The following ANO7 variants were observed in gnomAD, a reference collection of about 807,000 sequenced individuals.
ANO7 encodes anoctamin 7.
ANO7 carries 114 observed loss-of-function variants against 115.8 expected under a neutral mutation model. The observed-to-expected ratio is 0.98, with a 90% confidence interval of 0.85 to 1.15. ANO7 has a LOEUF of 1.15. ANO7 is among the 50% of genes most tolerant of loss of function. The probability of loss-of-function intolerance (pLI) is 0.00; values close to 1 mark genes in which losing one functional copy is unlikely to be tolerated. For missense variants in ANO7, 1,302 were observed against 1,201.2 expected (o/e 1.08, Z -1.24); for synonymous variants, 550 against 498.2 (o/e 1.10, Z -1.38).
Position 241,216,223 on chromosome 2 carries a change from G to A in ANO7, c.1957G>A (p.Glu653Lys), listed in dbSNP as rs201320298. Residue 653 changes from glutamate to lysine, a missense_variant, in exon 19 of 25, where the codon GAG becomes AAG. Glu to Lys is a moderately conservative substitution (Grantham distance 56). Transcript: ENST00000674324. ...TGTGCCCTGTGAGGGTCTGTTTGAC[G>A]AGTACCTGGAAATGGGTAGGAGCCC... ...ELVPCEGLFD[E>K]YLEMVLQFGF... is the part of the protein sequence containing the mutation. 6.1e-5 allele frequency: 98 copies of A among 1,604,316 alleles called. No homozygotes were observed. In the African/African-American group the frequency reaches 1.0e-3, roughly 17 times the overall value.
chr2:241,228,652 T>G (rs1370628821), downstream of ANO7: 1 of 152,360 alleles, frequency 6.6e-6, no homozygotes, highest in African/African-American at 2.4e-5. Context: ...GTGTGTGGGG[T>G]GGCACTAACT....
At chr2:241,227,290 A>C (rs189144149), downstream of ANO7, 1 of 152,532 alleles carries the variant, frequency 6.6e-6, no homozygotes, top group East Asian at 1.9e-4. Flanking sequence ...AGCATGCTAC[A>C]TCTGGTTTCG....
At chr2:241,235,050 C>T in the ANO7 span, 2 of 1,567,348 alleles carry the variant, frequency 1.3e-6, no homozygotes, top group Admixed American at 3.4e-5. Context: ...GAAGAACTTC[C>T]CTAGATTCTG....
At chr2:241,190,765 C>T (rs1418239726) in intron 2 of ANO7, among the ~76,000 whole-genome samples, 2 of 152,240 alleles carry the variant, frequency 1.3e-5, no homozygotes, top group East Asian at 3.9e-4. Context: ...CTCAAGCATC[C>T]AGACACTCTC....
the ANO7 span, among the ~76,000 whole-genome samples, chr2:241,238,122 G>A: frequency 5.5e-3 from 837 of 152,340 alleles, 11 homozygotes; most frequent in African/African-American, 0.018. The surrounding 1 kb of genome is among the most constrained non-coding windows in gnomAD (Gnocchi z 4.9). Flanking sequence ...CAACCGACCC[G>A]CATCCCACAG....
rs1413350039 is a variant in ANO7, at chr2:241,203,503, G to A, written c.889+5G>A. The A allele has an allele frequency of 2.0e-5, 30 of 1,478,364 alleles. No individual in the cohort carries two copies. Among genetic ancestry groups the A allele is most frequent in the Non-Finnish European group, 2.3e-5 (26 of 1,112,148 alleles). The allele number at this position is 1,478,364 out of a possible 1,614,324, so 91.6% of individuals were successfully genotyped here. On this transcript the variant is annotated splice_donor_5th_base_variant and intron_variant, in intron 9 of 24. Transcript: ENST00000674324. This position sits in a 1 kb window ranked among gnomAD's most constrained non-coding sequence, Gnocchi z 4.8. Reference sequence around the variant, plus strand: ...CCCTCTACTTCGCCTGGCTCGGTGAGTCCCCCCCGCTGCCCCCCAGACCAC... The same window carrying A: ...CCCTCTACTTCGCCTGGCTCGGTGAATCCCCCCCGCTGCCCCCCAGACCAC...
At chr2:241,227,419 A>C (rs929893837), downstream of ANO7, 5 of 152,574 alleles carry the variant, frequency 3.3e-5, no homozygotes, top group African/African-American at 9.7e-5. Context: ...GTAGCTATGG[A>C]AACAGATGAT....
Position 241,213,201 on chromosome 2 carries a change from G to C in ANO7, c.1728+575G>C, listed in dbSNP as rs2068755228. On this transcript the variant is annotated intron_variant, in intron 17 of 24. Coordinates refer to ENST00000674324, the MANE Select transcript of ANO7 (RefSeq NM_001370694.2). ...GCCCGCAGGGGCTGGCCTCCTCATGGCACACGGCCCGCAGGGGCTGGCCTC... is the reference window on the plus strand; with the variant it reads ...GCCCGCAGGGGCTGGCCTCCTCATGCCACACGGCCCGCAGGGGCTGGCCTC... 2.3e-5 allele frequency among the ~76,000 whole-genome samples: 3 copies of C among 130,814 alleles called. No homozygotes were observed. The South Asian group carries it at 6.3e-4, about 27-fold the overall frequency. 85.8% of individuals were successfully genotyped at this position (130,814 alleles called of 152,430 possible).
intron 11 of ANO7, among the ~76,000 whole-genome samples, chr2:241,208,666 T>C (rs2068642108): frequency 6.6e-6 from 1 of 152,138 alleles, no homozygotes; most frequent in South Asian, 2.1e-4. Flanking sequence ...ACGTGCAAAA[T>C]ACACTCACCT....
At position 241,223,899 on chromosome 2, in the gene ANO7, G is replaced by A. The variant is rs766834565; in HGVS notation, c.2533-6G>A. On this transcript the variant is annotated splice_polypyrimidine_tract_variant and splice_region_variant and intron_variant, in intron 23 of 24. Coordinates refer to ENST00000674324, the MANE Select transcript of ANO7 (RefSeq NM_001370694.2). ...TCTTCCTCTTGCTGCCCTTTTTTGG[G>A]GACAGGTTCTTTTTGGAACGAACGG... 83 of 1,613,906 alleles carry A rather than the reference G, an allele frequency of 5.1e-5. No homozygotes were observed. The Middle Eastern group carries it at 1.6e-3, about 32-fold the overall frequency.
chr2:241,203,515 GC>G lies in ANO7; in HGVS notation c.889+23del, dbSNP rs1432295862. On this transcript the variant is annotated intron_variant, in intron 9 of 24. Coordinates refer to ENST00000674324, the MANE Select transcript of ANO7 (RefSeq NM_001370694.2). This position sits in a 1 kb window ranked among gnomAD's most constrained non-coding sequence, Gnocchi z 4.8. The stretch of plus-strand genomic sequence containing the variant: ...CCTGGCTCGGTGAGTCCCCCCCGCT[GC>G]CCCCCAGACCACCTGGGCCCCCCCA... 4.8e-6 allele frequency: 7 copies of G among 1,450,032 alleles called. No homozygotes were observed. The highest frequency in any genetic ancestry group is 2.6e-5 in the Admixed American group (1 of 39,098). 89.8% of individuals were successfully genotyped at this position (1,450,032 alleles called of 1,614,324 possible). A position where few individuals can be genotyped will look rare whatever the true frequency, so the allele number is the denominator to read the frequency against.
At chr2:241,237,021 C>A in the ANO7 span, among the ~76,000 whole-genome samples, 1 of 147,568 alleles carries the variant, frequency 6.8e-6, no homozygotes, top group Non-Finnish European at 1.5e-5. Flanking sequence ...GCCGGGAGGC[C>A]GTGAGCTCTG....
chr2:241,215,995 G>GC lies in ANO7; in HGVS notation c.1827-97dup, dbSNP rs1360771262. 6.2e-6 allele frequency: 9 copies of GC among 1,450,942 alleles called. No individual in the cohort carries two copies. The Admixed American group carries it at 2.1e-4, about 34-fold the overall frequency. The allele number at this position is 1,450,942 out of a possible 1,614,324, so 89.9% of individuals were successfully genotyped here. ...CTCCCTGCTGCCCTTCAATTGCAAA[G>GC]CAACAGGCTTGTCCCGGCCACATCT... On this transcript the variant is annotated intron_variant, in intron 18 of 24. Transcript: ENST00000674324.
At chr2:241,200,875 G>C (rs1039211502) in intron 6 of ANO7, among the ~76,000 whole-genome samples, 2 of 152,216 alleles carry the variant, frequency 1.3e-5, no homozygotes, top group Admixed American at 1.3e-4. Flanking sequence ...CCCCTACCCA[G>C]TCACTGTCCG....
At chr2:241,210,629 C>T in intron 15 of ANO7, 59 bp downstream of exon 15, 1 of 1,405,696 alleles carries the variant, frequency 7.1e-7, no homozygotes, top group Non-Finnish European at 1.0e-6. Context: ...GGCCGCCAGC[C>T]AGAACGTGAC....
At chr2:241,214,451 C>G (rs747848671) in intron 17 of ANO7, among the ~76,000 whole-genome samples, 2 of 152,206 alleles carry the variant, frequency 1.3e-5, no homozygotes, top group Admixed American at 1.3e-4. Flanking sequence ...CCCACTGGCT[C>G]GAACTGGGTC....
At chr2:241,192,036 TAAG>T (rs1574754581) in intron 3 of ANO7, among the ~76,000 whole-genome samples, 1 of 152,184 alleles carries the variant, frequency 6.6e-6, no homozygotes, top group East Asian at 1.9e-4. Flanking sequence ...GGGACTGTCA[TAAG>T]AAGTACCACA....
rs1260813663 is a variant in ANO7 at position 241,190,141 on chromosome 2, C to T, written c.78C>T (p.Gly26=). ...GCCCCCCTGAGGCAGAGAAGAGGGGCTCTTACGGGAGCACAGCCCACGCCT... is the reference window on the plus strand; with the variant it reads ...GCCCCCCTGAGGCAGAGAAGAGGGGTTCTTACGGGAGCACAGCCCACGCCT... ...DVSPPEAEKR[G]SYGSTAHASE... is the part of the protein sequence containing the mutation. The change falls in exon 2 of 25, where the codon GGC becomes GGT. Residue 26 remains glycine (G), a synonymous_variant. Coordinates refer to ENST00000674324, the MANE Select transcript of ANO7 (RefSeq NM_001370694.2). The T allele has an allele frequency of 6.4e-7, 1 of 1,573,796 alleles. No homozygotes were observed. Among genetic ancestry groups the T allele is most frequent in the East Asian group, 2.3e-5 (1 of 42,744 alleles).
rs756769650 is a variant in ANO7 at position 241,216,207 on chromosome 2, T to G, written c.1941T>G (p.Cys647Trp). 1.2e-5 allele frequency: 19 copies of G among 1,610,914 alleles called. No individual in the cohort carries two copies. Among genetic ancestry groups the G allele is most frequent in the Non-Finnish European group, 1.4e-5 (17 of 1,178,982 alleles). ...AGGACGACTATGAGCTTGTGCCCTGTGAGGGTCTGTTTGACGAGTACCTGG... is the reference window on the plus strand; with the variant it reads ...AGGACGACTATGAGCTTGTGCCCTGGGAGGGTCTGTTTGACGAGTACCTGG... ...PWEDDYELVP[C>W]EGLFDEYLEM... Residue 647 changes from cysteine to tryptophan, a missense_variant, in exon 19 of 25, where the codon TGT becomes TGG. Physicochemically the swap from Cys to Trp is radical, Grantham distance 215 (BLOSUM62 -2). Coordinates refer to ENST00000674324, the MANE Select transcript of ANO7 (RefSeq NM_001370694.2).
Sources: allele counts gnomAD v4.1 joint callset (sites outside exome capture counted in the v4.1 genomes callset), GRCh38; gene constraint gnomAD v4.1.1; non-coding constraint Gnocchi (gnomAD v3.1); transcripts MANE v1.5; gene names NCBI Gene and HGNC (gene_info 2026-07-23, HGNC 2026-07-21).